The following RNFT1 variants were observed in gnomAD, a reference collection of about 807,000 sequenced individuals.
The protein encoded by RNFT1 is E3 ubiquitin-protein ligase RNFT1.
In RNFT1, 35 loss-of-function variants were observed where a neutral mutation model predicts 53.2. The observed-to-expected ratio is 0.66, with a 90% CI of 0.50 to 0.87. RNFT1 has a LOEUF of 0.87. RNFT1 is among the 40% of genes least tolerant of loss of function. The pLI, the probability that RNFT1 is intolerant of heterozygous loss-of-function variation, is 0.00. For synonymous variants in RNFT1, 141 were observed against 172.8 expected, an observed-to-expected ratio of 0.82 and a Z score of 1.44; for missense variants, 421 against 515.0, an observed-to-expected ratio of 0.82 and a Z score of 1.77.
At position 59,952,765 on chromosome 17, in the gene RNFT1, A is replaced by ATGT. The variant is rs1228808600; in HGVS notation, c.*209_*211dup. The ATGT allele has an allele frequency of 1.3e-5, 5 of 386,940 alleles. No homozygotes were observed. Among genetic ancestry groups the ATGT allele is most frequent in the Non-Finnish European group, 1.8e-5 (4 of 218,168 alleles). 24.0% of individuals were successfully genotyped at this position (386,940 alleles called of 1,614,324 possible). ...CTGTCAAATAATTAGAATAGAATAA[A>ATGT]TGTTGCATATACATTAGGTTGAACA... On this transcript the variant is annotated 3_prime_UTR_variant, in exon 9 of 9. Coordinates refer to ENST00000305783, the MANE Select transcript of RNFT1 (RefSeq NM_016125.4).
chr17:59,962,150 G>T (rs574373267), intron 3 of RNFT1, among the ~76,000 whole-genome samples: 1 of 152,220 alleles, frequency 6.6e-6, no homozygotes, highest in African/African-American at 2.4e-5. Context: ...CTCCCAAAGT[G>T]CTGGGATTAC....
chr17:59,959,798 T>A (rs2045276483), intron 4 of RNFT1: 1 of 182,882 alleles, frequency 5.5e-6, no homozygotes, highest in Non-Finnish European at 1.2e-5. Flanking sequence ...TAATCCCAGC[T>A]ACTCAGGAGG....
intron 3 of RNFT1, among the ~76,000 whole-genome samples, chr17:59,960,651 A>G (rs1279596320): frequency 2.0e-5 from 3 of 151,748 alleles, no homozygotes; most frequent in African/African-American, 7.3e-5. Flanking sequence ...CTCTACTAAA[A>G]AAAGTACAAA....
rs930759973 is a variant in RNFT1, at chr17:59,953,939, A to C, written c.1173+106T>G. On this transcript the variant is annotated intron_variant, in intron 8 of 8. Transcript: ENST00000305783. ...TGTACCCTGAATGCTACCTTCCACT[A>C]AACACTAGATTTTTTTTTTTTTGCC... 1.2e-5 allele frequency: 8 copies of C among 674,836 alleles called. No individual in the cohort carries two copies. In the African/African-American group the frequency reaches 1.5e-4, roughly 13 times the overall value. 41.8% of individuals were successfully genotyped at this position (674,836 alleles called of 1,614,324 possible). A position where few individuals can be genotyped will look rare whatever the true frequency, so the allele number is the denominator to read the frequency against.
rs756596570 is a variant in RNFT1, at chr17:59,964,673, C to G, written c.-10G>C. ...GCAAGAACAGCGGCATACACCGCCT[C>G]CAGCCCTTCAGTCGGGGCCATCAAC... On this transcript the variant is annotated 5_prime_UTR_variant, in exon 1 of 9. Coordinates refer to ENST00000305783, the MANE Select transcript of RNFT1 (RefSeq NM_016125.4). 1.9e-5 allele frequency: 31 copies of G among 1,602,442 alleles called. No individual in the cohort carries two copies. The highest frequency in any genetic ancestry group is 3.4e-5 in the Admixed American group (2 of 58,818).
At chr17:59,963,659 A>C (rs1351369587) in intron 1 of RNFT1, among the ~76,000 whole-genome samples, 1 of 152,176 alleles carries the variant, frequency 6.6e-6, no homozygotes, top group Non-Finnish European at 1.5e-5. Context: ...TTCATCTCTG[A>C]TGTAGATTCT....
intron 7 of RNFT1, 55 bp from the exon 8 acceptor site, chr17:59,954,201 A>G: frequency 1.7e-6 from 2 of 1,180,300 alleles, no homozygotes; most frequent in Non-Finnish European, 2.5e-6. Context: ...CCTGTTCCTC[A>G]AATTACATAA....
intron 7 of RNFT1, among the ~76,000 whole-genome samples, chr17:59,954,521 G>A (rs1326941410): frequency 6.6e-6 from 1 of 152,138 alleles, no homozygotes; most frequent in Admixed American, 6.5e-5. Context: ...CTGCAGCAGT[G>A]GTTCATAAAG....
intron 4 of RNFT1, 101 bp downstream of exon 4, chr17:59,959,967 C>T: frequency 9.7e-7 from 1 of 1,032,960 alleles, no homozygotes; most frequent in Non-Finnish European, 1.3e-6. Context: ...AAAAACTGAA[C>T]TGAACTGAAT....
intron 8 of RNFT1, 97 bp downstream of exon 8, chr17:59,953,948 A>ATT (rs774062610): frequency 9.6e-5 from 59 of 614,932 alleles, no homozygotes; most frequent in Admixed American, 2.6e-4. Flanking sequence ...TAAACACTAG[A>ATT]TTTTTTTTTT....
At chr17:59,957,191 T>C (rs201837426) in intron 6 of RNFT1, 33 bp downstream of exon 6, 1 of 1,596,118 alleles carries the variant, frequency 6.3e-7, no homozygotes, top group African/African-American at 1.3e-5. Flanking sequence ...TTAATGTGAA[T>C]CATGCAGTGA....
intron 7 of RNFT1, among the ~76,000 whole-genome samples, chr17:59,955,573 T>G (rs1277244079): frequency 6.6e-6 from 1 of 152,204 alleles, no homozygotes; most frequent in Non-Finnish European, 1.5e-5. Context: ...TTGAACTGAC[T>G]TGGACAAAGC....
At chr17:59,964,062 G>T (rs1180907036) in intron 1 of RNFT1, among the ~76,000 whole-genome samples, 1 of 152,158 alleles carries the variant, frequency 6.6e-6, no homozygotes. Context: ...TGAGGAAAGA[G>T]GACTCTAGCA....
At chr17:59,953,524 AATC>A (rs1412652106) in intron 8 of RNFT1, among the ~76,000 whole-genome samples, 1 of 152,194 alleles carries the variant, frequency 6.6e-6, no homozygotes, top group East Asian at 1.9e-4. Flanking sequence ...GAAGAGCACT[AATC>A]CCCTCATTTT....
At chr17:59,956,939 T>C (rs2045257537) in intron 6 of RNFT1, among the ~76,000 whole-genome samples, 1 of 152,222 alleles carries the variant, frequency 6.6e-6, no homozygotes, top group Non-Finnish European at 1.5e-5. Flanking sequence ...TGTATGACAA[T>C]GTTACTGTTG....
chr17:59,964,660 G>A lies in RNFT1; in HGVS notation c.4C>T (p.Pro2Ser), dbSNP rs796077019. The change falls in exon 1 of 9, where the codon CCG becomes TCG. Residue 2 changes from proline to serine, a missense_variant. Coordinates refer to ENST00000305783, the MANE Select transcript of RNFT1 (RefSeq NM_016125.4). ...GTCGGGAGCGACAGCAAGAACAGCGGCATACACCGCCTCCAGCCCTTCAGT... is the reference window on the plus strand; with the variant it reads ...GTCGGGAGCGACAGCAAGAACAGCGACATACACCGCCTCCAGCCCTTCAGT... M[P>S]LFLLSLPTPP... The A allele has an allele frequency of 3.7e-6, 6 of 1,606,146 alleles. No individual in the cohort carries two copies. The Admixed American group carries it at 6.8e-5, about 18-fold the overall frequency.
At chr17:59,958,753 A>G (rs184514898) in intron 4 of RNFT1, 16 of 450,398 alleles carry the variant, frequency 3.6e-5, no homozygotes, top group Admixed American at 5.4e-5. Flanking sequence ...GTTTTTCTTA[A>G]CCAATTCCAA....
In RNFT1 at chr17:59,953,070, T is replaced by A. The variant is rs773561530; in HGVS notation, c.1215A>T (p.Arg405Ser). 6.2e-7 allele frequency: 1 copy of A among 1,612,420 alleles called. No individual in the cohort carries two copies. Among genetic ancestry groups the A allele is most frequent in the Admixed American group, 1.7e-5 (1 of 60,024 alleles). Residue 405 changes from arginine to serine, a missense_variant, in exon 9 of 9, where the codon AGA (arginine) becomes AGT (serine). Physicochemically the swap from Arg to Ser is moderately radical, Grantham distance 110. Transcript: ENST00000305783. ...CEECMTLWFNREKTCPLCRTV... is the reference protein window; with the variant it reads ...CEECMTLWFNSEKTCPLCRTV... ...TTCTGCAGAGTGGACATGTTTTCTC[T>A]CTGTTAAACCATAAGGTCATGCACT...
chr17:59,958,720 C>T (rs1306516687), intron 4 of RNFT1: 1 of 495,414 alleles, frequency 2.0e-6, no homozygotes, highest in Non-Finnish European at 3.9e-6. Flanking sequence ...GAAAAAAACT[C>T]ATCAATACCA....
Sources: gnomAD v4.1 joint callset for allele counts (sites outside exome capture counted in the v4.1 genomes callset) on GRCh38, gnomAD v4.1.1 for gene constraint, MANE v1.5 for transcripts, NCBI Gene and HGNC (gene_info 2026-07-23, HGNC 2026-07-21) for gene names.